The following IKZF2 variants were observed in gnomAD, a reference collection of about 807,000 sequenced individuals.
IKZF2 encodes zinc finger protein Helios.
A neutral mutation model predicts 49.2 loss-of-function variants in IKZF2; 15 were observed. The ratio of observed to expected loss-of-function variants is 0.30; its 90% CI spans 0.20 to 0.47. IKZF2 has a LOEUF of 0.47. Ranked by LOEUF, IKZF2 falls within the 20% of genes least tolerant of loss-of-function variation. IKZF2 has a pLI of 1.00. For missense variants in IKZF2, 567 were observed against 664.6 expected (o/e 0.85, Z 1.61); for synonymous variants, 227 against 221.4 (o/e 1.03, Z -0.23).
intron 5 of IKZF2, 26 bp downstream of exon 5, chr2:213,056,807 A>G (rs752628617): frequency 1.1e-5 from 17 of 1,612,882 alleles, no homozygotes; most frequent in Non-Finnish European, 1.4e-5. Context: ...ACAGGCAGTC[A>G]TCAGGTTATT....
chr2:213,089,283 A>T (rs1000958013), intron 4 of IKZF2, among the ~76,000 whole-genome samples: 3 of 152,014 alleles, frequency 2.0e-5, no homozygotes, highest in Non-Finnish European at 2.9e-5. Context: ...CACCACCCCC[A>T]CTGCTCCTGC....
chr2:213,046,930 C>A (rs1470518784), intron 6 of IKZF2, among the ~76,000 whole-genome samples: 4 of 151,958 alleles, frequency 2.6e-5, no homozygotes, highest in African/African-American at 9.7e-5. Flanking sequence ...ATTACATGGA[C>A]TTCCTCTTCT....
intron 4 of IKZF2, among the ~76,000 whole-genome samples, chr2:213,102,562 A>G (rs997656164): frequency 6.6e-6 from 1 of 152,116 alleles, no homozygotes; most frequent in African/African-American, 2.4e-5. Flanking sequence ...ATAAGACGTC[A>G]ATCTCATAAA....
chr2:213,079,702 G>A (rs535829493), intron 4 of IKZF2, among the ~76,000 whole-genome samples: 1 of 152,130 alleles, frequency 6.6e-6, no homozygotes, highest in Non-Finnish European at 1.5e-5. Flanking sequence ...GTAAAAATAT[G>A]ATTAAAATAG....
At chr2:213,103,077 A>C (rs1399409816) in intron 4 of IKZF2, among the ~76,000 whole-genome samples, 1 of 152,340 alleles carries the variant, frequency 6.6e-6, no homozygotes, top group African/African-American at 2.4e-5. Context: ...TAAATACCGT[A>C]GAGGGGGCTT....
chr2:213,102,729 A>T (rs1236758601), intron 4 of IKZF2, among the ~76,000 whole-genome samples: 2 of 152,120 alleles, frequency 1.3e-5, no homozygotes, highest in Non-Finnish European at 2.9e-5. Context: ...TGATTTAACT[A>T]ATAATCAATT....
intron 4 of IKZF2, among the ~76,000 whole-genome samples, chr2:213,145,238 T>G (rs1559331394): frequency 6.6e-6 from 1 of 151,812 alleles, no homozygotes; most frequent in African/African-American, 2.4e-5. Flanking sequence ...TTTTCCTCCT[T>G]ACACATATAT....
intron 6 of IKZF2, among the ~76,000 whole-genome samples, chr2:213,026,456 G>A (rs73989364): frequency 0.014 from 2,102 of 152,150 alleles, 41 homozygotes; most frequent in African/African-American, 0.048. Context: ...TATCTTATGT[G>A]TCTTTGTAAC....
At chr2:213,120,131 A>C (rs1380521979) in intron 4 of IKZF2, among the ~76,000 whole-genome samples, 1 of 152,182 alleles carries the variant, frequency 6.6e-6, no homozygotes, top group Admixed American at 6.5e-5. Context: ...TGGTACACCT[A>C]TTCTCTGCCA....
intron 4 of IKZF2, among the ~76,000 whole-genome samples, chr2:213,075,561 A>G (rs1703162203): frequency 6.6e-6 from 1 of 152,138 alleles, no homozygotes; most frequent in African/African-American, 2.4e-5. Context: ...ACCTAAATAA[A>G]TATTATTTAT....
chr2:213,099,632 T>C (rs1030308167), intron 4 of IKZF2, among the ~76,000 whole-genome samples: 3 of 152,078 alleles, frequency 2.0e-5, no homozygotes, highest in Admixed American at 1.3e-4. Flanking sequence ...ACAACATTCT[T>C]TACCCAGTAC....
intron 4 of IKZF2, among the ~76,000 whole-genome samples, chr2:213,134,085 A>T (rs866229829): frequency 2.6e-5 from 4 of 152,264 alleles, no homozygotes; most frequent in Admixed American, 6.5e-5. Context: ...AATGGGTAAA[A>T]GCCAACCTGA....
In IKZF2 at chr2:213,001,704, T is replaced by C. The variant is rs1446990314; in HGVS notation, c.*5656A>G. On this transcript the variant is annotated 3_prime_UTR_variant, in exon 9 of 9. Coordinates refer to ENST00000434687, the MANE Select transcript of IKZF2 (RefSeq NM_001387220.1). Reference sequence around the variant, plus strand: ...TTTTAGGAGAACAGAGAGGTAAACATCCATAGACAATGACAGAAGGGAGAC... The same window carrying C: ...TTTTAGGAGAACAGAGAGGTAAACACCCATAGACAATGACAGAAGGGAGAC... The C allele has an allele frequency of 1.3e-5, 2 of 151,566 alleles. No homozygotes were observed. The highest frequency in any genetic ancestry group is 3.0e-5 in the Non-Finnish European group (2 of 67,450). 9.4% of individuals were successfully genotyped at this position (151,566 alleles called of 1,614,324 possible).
intron 4 of IKZF2, among the ~76,000 whole-genome samples, chr2:213,060,328 AT>A (rs1701562388): frequency 6.6e-6 from 1 of 151,382 alleles, no homozygotes; most frequent in African/African-American, 2.4e-5. Context: ...ACTTATATAT[AT>A]ATAAGACTTT....
chr2:213,138,667 C>A (rs540706732), intron 4 of IKZF2, among the ~76,000 whole-genome samples: 2 of 152,128 alleles, frequency 1.3e-5, no homozygotes, highest in East Asian at 3.9e-4. Context: ...TGATTAATTT[C>A]TTTATAATCA....
chr2:213,081,876 G>T (rs1703990751), intron 4 of IKZF2, among the ~76,000 whole-genome samples: 1 of 152,156 alleles, frequency 6.6e-6, no homozygotes, highest in Admixed American at 6.5e-5. Context: ...AATATCCTCT[G>T]GGGGTAGGGT....
In IKZF2 at chr2:213,005,192, G is replaced by C. The variant is rs899917344; in HGVS notation, c.*2168C>G. ...AATTATTATTTGGGAGTGGTTGGGTGGGGGGGGGTGAGCGAGTCTCAAAAA... is the reference window on the plus strand; with the variant it reads ...AATTATTATTTGGGAGTGGTTGGGTCGGGGGGGGTGAGCGAGTCTCAAAAA... On this transcript the variant is annotated 3_prime_UTR_variant, in exon 9 of 9. Coordinates refer to ENST00000434687, the MANE Select transcript of IKZF2 (RefSeq NM_001387220.1). 2.5e-5 allele frequency: 1 copy of C among 39,984 alleles called. No homozygotes were observed. The highest frequency in any genetic ancestry group is 6.4e-5 in the Non-Finnish European group (1 of 15,690). 2.5% of individuals were successfully genotyped at this position (39,984 alleles called of 1,614,324 possible). A position where few individuals can be genotyped will look rare whatever the true frequency, so the allele number is the denominator to read the frequency against.
At chr2:213,099,243 T>C (rs866263873) in intron 4 of IKZF2, among the ~76,000 whole-genome samples, 26 of 152,166 alleles carry the variant, frequency 1.7e-4, no homozygotes, top group Middle Eastern at 3.4e-3. Flanking sequence ...ACTGAAGAGA[T>C]TGAAGGAAAC....
chr2:213,084,932 T>C (rs1704398038), intron 4 of IKZF2, among the ~76,000 whole-genome samples: 1 of 152,212 alleles, frequency 6.6e-6, no homozygotes, highest in Non-Finnish European at 1.5e-5. Flanking sequence ...TCCCTTTCTG[T>C]CCAATTTTGG....
Sources: allele counts gnomAD v4.1 joint callset (sites outside exome capture counted in the v4.1 genomes callset), GRCh38; gene constraint gnomAD v4.1.1; transcripts MANE v1.5; gene names NCBI Gene and HGNC (gene_info 2026-07-23, HGNC 2026-07-21).